The following TGFBR3 variants were observed in gnomAD, a reference collection of about 807,000 sequenced individuals.
TGFBR3 encodes the protein transforming growth factor beta receptor 3.
TGFBR3 carries 46 observed loss-of-function variants against 87.9 expected under a neutral mutation model. The ratio of observed to expected loss-of-function variants is 0.52; its 90% confidence interval spans 0.41 to 0.67. The LOEUF (loss-of-function observed/expected upper bound fraction) is 0.67, where lower values mean the gene tolerates loss of function less well. TGFBR3 is among the 30% of genes least tolerant of loss of function. TGFBR3 has a pLI of 0.00. For missense variants in TGFBR3, 866 were observed against 1,041.9 expected, an observed-to-expected ratio of 0.83 and a Z score of 2.32; for synonymous variants, 381 against 391.6, an observed-to-expected ratio of 0.97 and a Z score of 0.32.
chr1:91,866,276 A>C (rs947976491), intron 1 of TGFBR3, among the ~76,000 whole-genome samples: 6 of 152,328 alleles, frequency 3.9e-5, no homozygotes, highest in African/African-American at 1.4e-4. Flanking sequence ...AGAAAAAATT[A>C]GTAGCTTCCC....
intron 1 of TGFBR3, among the ~76,000 whole-genome samples, chr1:91,863,064 T>C (rs1045018300): frequency 6.6e-6 from 1 of 152,142 alleles, no homozygotes; most frequent in African/African-American, 2.4e-5. Flanking sequence ...ACTTTACCTA[T>C]GAGAACGGGG....
chr1:91,788,152 G>A lies in TGFBR3; in HGVS notation c.246+9135C>T, dbSNP rs72716428. 5.3e-5 allele frequency among the ~76,000 whole-genome samples: 8 copies of A among 152,212 alleles called. No homozygotes were observed. The South Asian group carries it at 1.2e-3, about 24-fold the overall frequency. On this transcript the variant is annotated intron_variant, in intron 3 of 16. Transcript: ENST00000212355. ...GCTCTGCAACAGAAGTTGGTGCCCC[G>A]AGGGGCTAGTCCAGTGCTAGCACCA...
At chr1:91,818,230 T>TA (rs949367448) in intron 2 of TGFBR3, among the ~76,000 whole-genome samples, 5 of 147,434 alleles carry the variant, frequency 3.4e-5, no homozygotes, top group African/African-American at 5.1e-5. Flanking sequence ...TCTTTACTAT[T>TA]AAAAAAAAAT....
upstream of TGFBR3, among the ~76,000 whole-genome samples, chr1:91,890,217 G>A (rs1030137941): frequency 6.6e-6 from 1 of 151,984 alleles, no homozygotes; most frequent in African/African-American, 2.4e-5. Context: ...GATTTACTGA[G>A]GCTGTTTTTC....
At chr1:91,686,909 C>A (rs920247153) in intron 16 of TGFBR3, among the ~76,000 whole-genome samples, 5 of 152,152 alleles carry the variant, frequency 3.3e-5, no homozygotes, top group African/African-American at 1.2e-4. Flanking sequence ...AAGGAGGGCG[C>A]CTTGCTTGTA....
At chr1:91,778,015 A>G (rs1307196355) in intron 3 of TGFBR3, among the ~76,000 whole-genome samples, 2 of 152,234 alleles carry the variant, frequency 1.3e-5, no homozygotes, top group African/African-American at 4.8e-5. Flanking sequence ...CTCTGTCCTG[A>G]CGAAACAGTA....
chr1:91,845,951 A>G (rs1389539865), intron 2 of TGFBR3, among the ~76,000 whole-genome samples: 1 of 152,242 alleles, frequency 6.6e-6, no homozygotes, highest in Non-Finnish European at 1.5e-5. Context: ...CTTGCGAAGA[A>G]TTTATTTAGT....
At chr1:91,806,478 G>GT (rs1222352373) in intron 2 of TGFBR3, among the ~76,000 whole-genome samples, 9 of 152,014 alleles carry the variant, frequency 5.9e-5, no homozygotes, top group Admixed American at 5.2e-4. Context: ...ATACTGGCGG[G>GT]GGGGGTAATG....
chr1:91,804,834 A>C (rs766202836), intron 2 of TGFBR3, among the ~76,000 whole-genome samples: 3 of 152,142 alleles, frequency 2.0e-5, no homozygotes, highest in Non-Finnish European at 4.4e-5. Context: ...GAAAACCCAC[A>C]TCCCGTCTTC....
chr1:91,863,388 G>A (rs1365851575), intron 1 of TGFBR3, among the ~76,000 whole-genome samples: 1 of 152,200 alleles, frequency 6.6e-6, no homozygotes, highest in Non-Finnish European at 1.5e-5. Context: ...GGTAATGTTA[G>A]GCAGCTTACT....
upstream of TGFBR3, among the ~76,000 whole-genome samples, chr1:91,887,852 G>A (rs765009527): frequency 1.3e-5 from 2 of 152,208 alleles, no homozygotes; most frequent in Non-Finnish European, 2.9e-5. Flanking sequence ...GGGAATACAA[G>A]TAGGCATAAT....
intron 16 of TGFBR3, among the ~76,000 whole-genome samples, chr1:91,686,099 C>T (rs939594487): frequency 1.3e-5 from 2 of 152,206 alleles, no homozygotes; most frequent in African/African-American, 2.4e-5. Flanking sequence ...GGCCTTGCTT[C>T]ATCAAGCAAT....
chr1:91,693,928 A>G (rs968717541), intron 16 of TGFBR3, among the ~76,000 whole-genome samples: 5 of 152,192 alleles, frequency 3.3e-5, no homozygotes, highest in African/African-American at 1.2e-4. Flanking sequence ...TGGTCCTTTT[A>G]TAAACTGTTC....
intron 2 of TGFBR3, among the ~76,000 whole-genome samples, chr1:91,841,777 G>A: frequency 7.6e-6 from 1 of 131,446 alleles, no homozygotes; most frequent in East Asian, 2.1e-4. Context: ...CTGGGCAACA[G>A]AGCAAGACTC....
chr1:91,730,108 G>A, intron 5 of TGFBR3, 135 bp from the exon 6 acceptor site: 1 of 987,150 alleles, frequency 1.0e-6, no homozygotes, highest in Non-Finnish European at 1.6e-6. Flanking sequence ...TTCTTCGTCT[G>A]TGAAGTCCGC....
rs149572807 is a variant in TGFBR3, at chr1:91,750,796, T to C, written c.384+7817A>G. On this transcript the variant is annotated intron_variant, in intron 4 of 16. Transcript: ENST00000212355. ...CCGAGCCAAGAGCTGTGTTTGTGTC[T>C]GCAACCTTGACCCATTTGCCACATG... Among the ~76,000 whole-genome samples, 582 of 152,342 alleles carry C rather than the reference T, an allele frequency of 3.8e-3. 4 individuals are homozygous for C. Among genetic ancestry groups the C allele is most frequent in the African/African-American group, 0.013 (553 of 41,576 alleles).
At chr1:91,770,255 T>C (rs1168488715) in intron 3 of TGFBR3, among the ~76,000 whole-genome samples, 1 of 151,924 alleles carries the variant, frequency 6.6e-6, no homozygotes, top group Non-Finnish European at 1.5e-5. Flanking sequence ...AGTGGGTGAT[T>C]TTTCTCATAA....
At position 91,734,846 on chromosome 1, in the gene TGFBR3, T is replaced by C. The variant is rs773971555; in HGVS notation, c.498A>G (p.Lys166=). ...GNEHLLNWAR[K]EYGAVTSFTE... Reference sequence around the variant, plus strand: ...TGAATGAAGTAACTGCTCCATACTCTTTTCGGGCCCAATTTAACAGATGTT... The same window carrying C: ...TGAATGAAGTAACTGCTCCATACTCCTTTCGGGCCCAATTTAACAGATGTT... Residue 166 remains lysine, a synonymous_variant, in exon 5 of 17, where the codon AAA becomes AAG. Transcript: ENST00000212355. 14 of 1,614,224 alleles carry C rather than the reference T, an allele frequency of 8.7e-6. No individual in the cohort carries two copies. In the Middle Eastern group the frequency reaches 5.0e-4, roughly 57 times the overall value.
chr1:91,887,210 A>G (rs1258624664), upstream of TGFBR3, among the ~76,000 whole-genome samples: 1 of 127,474 alleles, frequency 7.8e-6, no homozygotes, highest in Non-Finnish European at 1.6e-5. Flanking sequence ...GGCTTCTTCC[A>G]GTTCTAAAGG....
Sources: gnomAD v4.1 joint callset for allele counts (sites outside exome capture counted in the v4.1 genomes callset) on GRCh38, gnomAD v4.1.1 for gene constraint, MANE v1.5 for transcripts, NCBI Gene and HGNC (gene_info 2026-07-23, HGNC 2026-07-21) for gene names.